CDH11: variants seen among roughly 807,000 people sequenced by gnomAD.
CDH11 encodes cadherin-11.
A neutral mutation model predicts 67.8 loss-of-function variants in CDH11; 11 were observed. That is an observed-to-expected ratio of 0.16 (90% CI 0.10 to 0.27). The LOEUF (loss-of-function observed/expected upper bound fraction) is 0.27. CDH11 is among the 10% of genes least tolerant of loss of function. The pLI is 1.00. For synonymous variants in CDH11, 419 were observed against 400.0 expected (o/e 1.05, Z -0.57); for missense variants, 847 against 1,031.2 (o/e 0.82, Z 2.45).
intron 1 of CDH11, among the ~76,000 whole-genome samples, chr16:65,114,810 A>G (rs2075215526): frequency 6.6e-6 from 1 of 152,154 alleles, no homozygotes; most frequent in South Asian, 2.1e-4. Flanking sequence ...GGCTTAAGAG[A>G]GGGTGAGGAC....
At chr16:65,053,981 A>C (rs1326812546) in intron 1 of CDH11, 53 bp from the exon 2 acceptor site, 1 of 454,176 alleles carries the variant, frequency 2.2e-6, no homozygotes, top group Non-Finnish European at 4.4e-6. Context: ...GAATTGACCA[A>C]GTGATACAGT....
At chr16:65,009,742 T>C (rs769826471) in intron 2 of CDH11, among the ~76,000 whole-genome samples, 12 of 152,308 alleles carry the variant, frequency 7.9e-5, no homozygotes, top group East Asian at 3.9e-4. Context: ...CTAAAACATA[T>C]AGGAGGACTT....
rs182813649 is a variant in CDH11 at position 64,948,587 on chromosome 16, C to T, written c.1895-488G>A. 9.4e-6 allele frequency: 15 copies of T among 1,593,046 alleles called. No homozygotes were observed. The African/African-American group carries it at 1.9e-4, about 20-fold the overall frequency. On this transcript the variant is annotated intron_variant, in intron 12 of 12. Coordinates refer to ENST00000268603, the MANE Select transcript of CDH11 (RefSeq NM_001797.4). ...TCTGAGAAAGAGTATTGGTCCTATACTAACTTAATGGGAAGTCTTACCGTA... is the reference window on the plus strand; with the variant it reads ...TCTGAGAAAGAGTATTGGTCCTATATTAACTTAATGGGAAGTCTTACCGTA...
chr16:65,037,494 T>A (rs907808986), intron 2 of CDH11, among the ~76,000 whole-genome samples: 1 of 152,158 alleles, frequency 6.6e-6, no homozygotes, highest in African/African-American at 2.4e-5. Context: ...TAGGGAGCCT[T>A]CCTTTGTGAC....
chr16:64,996,309 G>A (rs1196649799), intron 4 of CDH11, among the ~76,000 whole-genome samples: 1 of 151,996 alleles, frequency 6.6e-6, no homozygotes, highest in Non-Finnish European at 1.5e-5. Flanking sequence ...GGCCAACATG[G>A]CAAAACCCCT....
chr16:64,949,503 C>G (rs901459190), intron 12 of CDH11, among the ~76,000 whole-genome samples: 1 of 151,026 alleles, frequency 6.6e-6, no homozygotes, highest in African/African-American at 2.4e-5. Context: ...CTTGGCTCAC[C>G]GCAACCTTTG....
intron 1 of CDH11, among the ~76,000 whole-genome samples, chr16:65,115,991 AT>A (rs544524312): frequency 6.6e-6 from 1 of 151,978 alleles, no homozygotes; most frequent in Non-Finnish European, 1.5e-5. Flanking sequence ...AAAAGACAAA[AT>A]TTTCAATCAA....
chr16:64,972,654 A>C (rs2072040032), intron 9 of CDH11, among the ~76,000 whole-genome samples: 1 of 152,182 alleles, frequency 6.6e-6, no homozygotes, highest in Non-Finnish European at 1.5e-5. Flanking sequence ...GATGGTTATG[A>C]GTTTCAAACT....
chr16:65,013,221 T>C (rs1237753801), intron 2 of CDH11, among the ~76,000 whole-genome samples: 1 of 152,148 alleles, frequency 6.6e-6, no homozygotes, highest in Non-Finnish European at 1.5e-5. Context: ...ATGGGAATCG[T>C]GCCTTCTGGG....
intron 1 of CDH11, among the ~76,000 whole-genome samples, chr16:65,066,276 C>G (rs1283776577): frequency 1.3e-5 from 2 of 152,148 alleles, no homozygotes; most frequent in Non-Finnish European, 2.9e-5. Flanking sequence ...CCTGACAGTC[C>G]ACCTTCCCAA....
intron 2 of CDH11, among the ~76,000 whole-genome samples, chr16:65,037,687 G>A (rs982841966): frequency 2.6e-5 from 4 of 152,204 alleles, no homozygotes; most frequent in East Asian, 1.9e-4. Context: ...CCTTGGGACC[G>A]TCCGCATCCC....
intron 1 of CDH11, among the ~76,000 whole-genome samples, chr16:65,071,786 A>G (rs765777696): frequency 1.3e-5 from 2 of 152,190 alleles, no homozygotes; most frequent in Admixed American, 6.5e-5. Context: ...CAAACTCTGA[A>G]TCAAAGGAAG....
intron 1 of CDH11, among the ~76,000 whole-genome samples, chr16:65,096,983 C>T (rs547873197): frequency 6.6e-5 from 10 of 152,082 alleles, no homozygotes; most frequent in Admixed American, 2.0e-4. Context: ...AAGTTCTTGG[C>T]AAAAGCAGTA....
At chr16:65,074,860 G>T (rs927474379) in intron 1 of CDH11, among the ~76,000 whole-genome samples, 1 of 152,112 alleles carries the variant, frequency 6.6e-6, no homozygotes, top group Non-Finnish European at 1.5e-5. Flanking sequence ...CATTGTAAAA[G>T]AAATATTAAA....
intron 1 of CDH11, among the ~76,000 whole-genome samples, chr16:65,066,288 T>C (rs540226623): frequency 9.3e-4 from 141 of 152,294 alleles, no homozygotes; most frequent in African/African-American, 3.2e-3. Flanking sequence ...CCTTCCCAAC[T>C]ACACACACGC....
At chr16:65,120,500 A>G (rs1436628064) in intron 1 of CDH11, among the ~76,000 whole-genome samples, 1 of 152,190 alleles carries the variant, frequency 6.6e-6, no homozygotes, top group Non-Finnish European at 1.5e-5. Flanking sequence ...AAGATTTCAG[A>G]GCGATCGTAG....
chr16:65,068,358 G>A (rs1199151540), intron 1 of CDH11, among the ~76,000 whole-genome samples: 1 of 147,616 alleles, frequency 6.8e-6, no homozygotes, highest in Non-Finnish European at 1.5e-5. Flanking sequence ...GGGTTCCAGA[G>A]GAGGCAGGTG....
intron 11 of CDH11, among the ~76,000 whole-genome samples, chr16:64,956,075 A>G (rs2071501379): frequency 6.6e-6 from 1 of 152,236 alleles, no homozygotes; most frequent in Non-Finnish European, 1.5e-5. Context: ...TAAAATTTCC[A>G]TAGAGACTTC....
chr16:65,123,505 A>T (rs6498980), upstream of CDH11, among the ~76,000 whole-genome samples: 1 of 151,918 alleles, frequency 6.6e-6, no homozygotes, highest in East Asian at 2.0e-4. Context: ...TCCTGAGCGC[A>T]TGGGGAAGGA....
Sources: allele counts gnomAD v4.1 joint callset (sites outside exome capture counted in the v4.1 genomes callset), GRCh38; gene constraint gnomAD v4.1.1; transcripts MANE v1.5; gene names NCBI Gene and HGNC (gene_info 2026-07-23, HGNC 2026-07-21).